Variants in MED16 observed in about 807,000 individuals in gnomAD.
The protein encoded by MED16 is mediator of RNA polymerase II transcription subunit 16.
In MED16, 81 loss-of-function variants were observed where a neutral mutation model predicts 84.4. The ratio of observed to expected loss-of-function variants is 0.96; its 90% CI spans 0.80 to 1.15. The LOEUF is 1.15. Among genes scored for constraint, MED16 ranks in the 50% most tolerant of loss-of-function variants. The pLI is 0.00. For synonymous variants in MED16, 897 were observed against 552.2 expected (o/e 1.62, Z -8.76); for missense variants, 1,585 against 1,245.9 (o/e 1.27, Z -4.10).
chr19:891,116 G>A lies in MED16; in HGVS notation c.16C>T (p.Arg6Trp), dbSNP rs762452886. The A allele has an allele frequency of 3.8e-5, 61 of 1,612,966 alleles. No homozygotes were observed. Among genetic ancestry groups the A allele is most frequent in the Middle Eastern group, 3.3e-4 (2 of 6,080 alleles). Reference protein sequence around the residue: MCDLRRPAAGGMMDLA... With the variant: MCDLRWPAAGGMMDLA... Reference sequence around the variant, plus strand: ...TCCATCATCCCACCTGCCGCTGGCCGCCGCAAATCACACATGAGGGCAGTC... The same window carrying A: ...TCCATCATCCCACCTGCCGCTGGCCACCGCAAATCACACATGAGGGCAGTC... Residue 6 changes from arginine to tryptophan, a missense_variant, in exon 2 of 16, where the codon CGG becomes TGG. Arg to Trp is a moderately radical substitution (Grantham distance 101). Transcript: ENST00000325464.
intron 7 of MED16, 59 bp downstream of exon 7, chr19:881,500 G>A: frequency 6.4e-7 from 1 of 1,556,424 alleles, no homozygotes; most frequent in Non-Finnish European, 8.7e-7. Context: ...CTGTGCTCAG[G>A]GCCCAACTCC....
At chr19:889,590 G>T in intron 4 of MED16, 48 bp downstream of exon 4, 2 of 1,560,968 alleles carry the variant, frequency 1.3e-6, no homozygotes, top group Middle Eastern at 1.7e-4. Flanking sequence ...TGGCTGGGTA[G>T]GGTGACATCT....
At chr19:879,056 T>C (rs1183110623) in intron 8 of MED16, among the ~76,000 whole-genome samples, 2 of 122,824 alleles carry the variant, frequency 1.6e-5, no homozygotes, top group Non-Finnish European at 3.2e-5. Flanking sequence ...CGGTTGTCAA[T>C]GCCCACCAGC....
chr19:882,816 T>C (rs1157331536), intron 6 of MED16, among the ~76,000 whole-genome samples: 1 of 152,166 alleles, frequency 6.6e-6, no homozygotes, highest in African/African-American at 2.4e-5. Context: ...GCCACCCGCA[T>C]CATGAGGTCT....
At position 873,322 on chromosome 19, in the gene MED16, AGTAGGG is replaced by A. The variant is rs1248390451; in HGVS notation, c.1905+121_1905+126del. Reference sequence around the variant, plus strand: ...GACTCCAAGTAGGGGCGGGACTCCAAGTAGGGGCGGGACTCCAACTAGGGGCGGGGC... The same window carrying A: ...GACTCCAAGTAGGGGCGGGACTCCAAGCGGGACTCCAACTAGGGGCGGGGC... On this transcript the variant is annotated intron_variant, in intron 11 of 15. Coordinates refer to ENST00000325464, the MANE Select transcript of MED16 (RefSeq NM_005481.3). 8.2e-5 allele frequency: 55 copies of A among 674,410 alleles called. 1 individual carries two copies. In the East Asian group the frequency reaches 1.5e-3, roughly 18 times the overall value. 41.8% of individuals were successfully genotyped at this position (674,410 alleles called of 1,614,324 possible). A position where few individuals can be genotyped will look rare whatever the true frequency, so the allele number is the denominator to read the frequency against.
chr19:876,024 C>G (rs2036220942), intron 9 of MED16, among the ~76,000 whole-genome samples: 1 of 152,220 alleles, frequency 6.6e-6, no homozygotes, highest in Non-Finnish European at 1.5e-5. Context: ...AGGGCGAGGT[C>G]TCGCCATCAC....
In MED16 at chr19:891,410, C is replaced by T. The variant is rs373970382; in HGVS notation, c.-18-261G>A. Reference sequence around the variant, plus strand: ...GGACCTATTTGGGTTTCACCAGGACCCCTCTGGCTGTCTAGGGAACAGACC... The same window carrying T: ...GGACCTATTTGGGTTTCACCAGGACTCCTCTGGCTGTCTAGGGAACAGACC... On this transcript the variant is annotated intron_variant, in intron 1 of 15. Coordinates refer to ENST00000325464, the MANE Select transcript of MED16 (RefSeq NM_005481.3). Among the ~76,000 whole-genome samples the T allele has an allele frequency of 4.6e-4, 70 of 152,302 alleles. No individual in the cohort carries two copies. The East Asian group carries it at 0.013, about 28-fold the overall frequency.
At chr19:884,590 C>A (rs555317694) in intron 6 of MED16, among the ~76,000 whole-genome samples, 1 of 152,222 alleles carries the variant, frequency 6.6e-6, no homozygotes, top group Non-Finnish European at 1.5e-5. Flanking sequence ...GCCGCCCACA[C>A]GCCTGCAGCC....
chr19:876,879 GCCC>G lies in MED16; in HGVS notation c.1560+92_1560+94del, dbSNP rs147055199. ...CTGGCACGGGACCACCTGCCACGGG[GCCC>G]CCACCTGCCACGGGGCCCCACCTGC... is the stretch of plus-strand genomic sequence containing the variant. On this transcript the variant is annotated intron_variant, in intron 9 of 15. Coordinates refer to ENST00000325464, the MANE Select transcript of MED16 (RefSeq NM_005481.3). 1.1e-4 allele frequency: 143 copies of G among 1,259,896 alleles called. 1 individual carries two copies. Among genetic ancestry groups the G allele is most frequent in the African/African-American group, 1.1e-3 (68 of 60,032 alleles). The allele number at this position is 1,259,896 out of a possible 1,614,324, so 78.0% of individuals were successfully genotyped here. A position where few individuals can be genotyped will look rare whatever the true frequency, so the allele number is the denominator to read the frequency against.
At chr19:871,501 A>T in intron 12 of MED16, 1 of 1,513,440 alleles carries the variant, frequency 6.6e-7, no homozygotes, top group Non-Finnish European at 8.9e-7. Flanking sequence ...CTTAAAAAGT[A>T]TGTGGGAAGC....
At chr19:883,802 C>T (rs141292039) in intron 6 of MED16, among the ~76,000 whole-genome samples, 56 of 152,172 alleles carry the variant, frequency 3.7e-4, no homozygotes, top group South Asian at 1.2e-3. Flanking sequence ...CAGGAGCCAG[C>T]GCAGCCCAAA....
intron 8 of MED16, 141 bp from the exon 9 acceptor site, chr19:877,321 T>A (rs1031181058): frequency 2.6e-6 from 2 of 757,372 alleles, no homozygotes; most frequent in Non-Finnish European, 4.3e-6. Context: ...TGCGCGCATG[T>A]GTCTGTAGCG....
rs780386381 is a variant in MED16, at chr19:885,956, C to T, written c.693G>A (p.Ala231=). The T allele has an allele frequency of 9.9e-6, 16 of 1,612,450 alleles. No individual in the cohort carries two copies. The highest frequency in any genetic ancestry group is 4.4e-5 in the South Asian group (4 of 91,082). ...GCACGGGCGACGCGCTGCTGCCGTC[C>T]GCCGTGGCCACCACGATGTTGCCGC... ...TGGGNIVVAT[A]DGSSASPVQF... Residue 231 remains alanine, a synonymous_variant, in exon 5 of 16, where the codon GCG becomes GCA. Coordinates refer to ENST00000325464, the MANE Select transcript of MED16 (RefSeq NM_005481.3).
chr19:871,339 C>T, intron 12 of MED16, 86 bp from the exon 13 acceptor site: 1 of 1,397,566 alleles, frequency 7.2e-7, no homozygotes, highest in Non-Finnish European at 9.6e-7. Flanking sequence ...CCCTCCAGTT[C>T]AGGAGCACCA....
At position 884,892 on chromosome 19, in the gene MED16, G is replaced by A. The variant is rs369358220; in HGVS notation, c.985+11C>T. On this transcript the variant is annotated intron_variant, in intron 6 of 15. Coordinates refer to ENST00000325464, the MANE Select transcript of MED16 (RefSeq NM_005481.3). ...CAGGCCCAGGGCCTCCGCAGCCGGC[G>A]GGAGACTCACCCACGGGGGAGATCT... 2.8e-5 allele frequency: 45 copies of A among 1,597,222 alleles called. No homozygotes were observed. The highest frequency in any genetic ancestry group is 1.1e-4 in the African/African-American group (8 of 74,740).
At chr19:879,070 AGCCCCAG>A (rs2036345012) in intron 8 of MED16, among the ~76,000 whole-genome samples, 2 of 61,574 alleles carry the variant, frequency 3.2e-5, no homozygotes. Context: ...CACCAGCCCC[AGCCCCAG>A]CCCCACGTGC....
At position 873,342 on chromosome 19, in the gene MED16, T is replaced by C. The variant is rs535900733; in HGVS notation, c.1905+107A>G. ...CTCCAAGTAGGGGCGGGACTCCAAC[T>C]AGGGGCGGGGCTGAGGTGGTTTTGA... On this transcript the variant is annotated intron_variant, in intron 11 of 15. Transcript: ENST00000325464. 7 of 666,758 alleles carry C rather than the reference T, an allele frequency of 1.0e-5. No homozygotes were observed. In the East Asian group the frequency reaches 3.2e-4, roughly 30 times the overall value. 41.3% of individuals were successfully genotyped at this position (666,758 alleles called of 1,614,324 possible).
At chr19:871,430 T>A (rs1239590574) in intron 12 of MED16, among the ~76,000 whole-genome samples, 177 bp from the exon 13 acceptor site, 2 of 151,984 alleles carry the variant, frequency 1.3e-5, no homozygotes, top group African/African-American at 2.4e-5. Context: ...TCTGCCTGCC[T>A]GGCTGGGTGA....
At chr19:887,780 G>A (rs1183224692) in intron 4 of MED16, among the ~76,000 whole-genome samples, 1 of 152,146 alleles carries the variant, frequency 6.6e-6, no homozygotes, top group Non-Finnish European at 1.5e-5. Flanking sequence ...AGGCTACGCA[G>A]TGTGTGATCC....
Sources: allele counts gnomAD v4.1 joint callset (sites outside exome capture counted in the v4.1 genomes callset), GRCh38; gene constraint gnomAD v4.1.1; transcripts MANE v1.5; gene names NCBI Gene and HGNC (gene_info 2026-07-23, HGNC 2026-07-21).